Variants in KBTBD3 observed in about 807,000 individuals in gnomAD.
The protein encoded by KBTBD3 is kelch repeat and BTB domain-containing protein 3.
Under a neutral mutation model 49.6 loss-of-function variants are expected in KBTBD3, and 38 were observed. The ratio of observed to expected loss-of-function variants is 0.77; its 90% CI spans 0.59 to 1.00. KBTBD3 has a LOEUF of 1.00. Among genes scored for constraint, KBTBD3 ranks in the 50% least tolerant of loss-of-function variants. The pLI, the probability that KBTBD3 is intolerant of heterozygous loss-of-function variation, is 0.00. For synonymous variants in KBTBD3, 214 were observed against 250.4 expected, an observed-to-expected ratio of 0.85 and a Z score of 1.37; for missense variants, 661 against 712.0, an observed-to-expected ratio of 0.93 and a Z score of 0.81.
chr11:106,052,727 G>T lies in KBTBD3; in HGVS notation c.*123C>A. On this transcript the variant is annotated 3_prime_UTR_variant, in exon 4 of 4. Coordinates refer to ENST00000531837, the MANE Select transcript of KBTBD3 (RefSeq NM_198439.3). ...TGGAAACTGTTTATTCATATATGGTGTACATACATAATAACTAAAAGCAGG... is the reference window on the plus strand; with the variant it reads ...TGGAAACTGTTTATTCATATATGGTTTACATACATAATAACTAAAAGCAGG... 1 of 735,010 alleles carries T rather than the reference G, an allele frequency of 1.4e-6. No homozygotes were observed. The highest frequency in any genetic ancestry group is 2.2e-6 in the Non-Finnish European group (1 of 449,922). The allele number at this position is 735,010 out of a possible 1,614,324, so 45.5% of individuals were successfully genotyped here.
intron 3 of KBTBD3, 71 bp from the exon 4 acceptor site, chr11:106,054,526 A>G: frequency 8.1e-7 from 1 of 1,229,886 alleles, no homozygotes. Context: ...TATTACCTTA[A>G]AGAGGTTTCC....
rs764968896 is a variant in KBTBD3, at chr11:106,053,136, G to C, written c.1553C>G (p.Thr518Ser). Residue 518 changes from threonine to serine, a missense_variant, in exon 4 of 4, where the codon ACC becomes AGC. By Grantham distance (58) the Thr-to-Ser change is moderately conservative. Transcript: ENST00000531837. ...TGGACAAAAACTATAAACCTTATAG[G>C]TGGAAAGGTCACATATATACAGTGT... ...NCTLYICDLS[T>S]YKVYSFCPDT... 6.2e-7 allele frequency: 1 copy of C among 1,613,466 alleles called. No individual in the cohort carries two copies. Among genetic ancestry groups the C allele is most frequent in the Non-Finnish European group, 8.5e-7 (1 of 1,179,800 alleles).
chr11:106,069,846 C>G (rs1004153702), intron 2 of KBTBD3, among the ~76,000 whole-genome samples: 1 of 151,908 alleles, frequency 6.6e-6, no homozygotes, highest in Non-Finnish European at 1.5e-5. Flanking sequence ...TATCAGTCTA[C>G]CTGATTTCAA....
intron 2 of KBTBD3, among the ~76,000 whole-genome samples, chr11:106,059,861 A>T (rs1212283276): frequency 6.6e-6 from 1 of 152,228 alleles, no homozygotes; most frequent in Non-Finnish European, 1.5e-5. Flanking sequence ...GGAAAAGAGG[A>T]TTGGGAACTT....
intron 2 of KBTBD3, among the ~76,000 whole-genome samples, chr11:106,066,947 A>G (rs1454189245): frequency 6.6e-6 from 1 of 152,204 alleles, no homozygotes; most frequent in Non-Finnish European, 1.5e-5. Flanking sequence ...AATCAGACTG[A>G]CTAGTGATCT....
chr11:106,059,497 A>C (rs889690410), intron 2 of KBTBD3, among the ~76,000 whole-genome samples: 1 of 152,160 alleles, frequency 6.6e-6, no homozygotes, highest in African/African-American at 2.4e-5. Context: ...CCTCCTTTCC[A>C]ATCCATTCTC....
rs553748160 is a variant in KBTBD3 at position 106,075,945 on chromosome 11, A to T, written c.-13+562T>A. 3.3e-5 allele frequency: 5 copies of T among 152,342 alleles called. No homozygotes were observed. In the East Asian group the frequency reaches 9.6e-4, roughly 29 times the overall value. 9.4% of individuals were successfully genotyped at this position (152,342 alleles called of 1,614,324 possible). On this transcript the variant is annotated intron_variant, in intron 2 of 3. Transcript: ENST00000531837. The stretch of plus-strand genomic sequence containing the variant: ...AAAATAATGGGATATGAATTCCTGA[A>T]TTTAAACAAATTCTCTTTCTGAGCT...
At chr11:106,075,238 A>T (rs1861004363) in intron 2 of KBTBD3, among the ~76,000 whole-genome samples, 1 of 152,234 alleles carries the variant, frequency 6.6e-6, no homozygotes, top group South Asian at 2.1e-4. Flanking sequence ...GCAGTAAAAA[A>T]TATTTTAATA....
intron 3 of KBTBD3, chr11:106,057,286 T>C (rs1860571707): frequency 1.3e-5 from 2 of 152,244 alleles, no homozygotes; most frequent in Non-Finnish European, 2.9e-5. Flanking sequence ...CAAAACAGTA[T>C]AAATTAACTT....
At chr11:106,059,162 AC>A in intron 2 of KBTBD3, 53 bp from the exon 3 acceptor site, 2 of 1,048,234 alleles carry the variant, frequency 1.9e-6, no homozygotes, top group South Asian at 3.3e-5. Context: ...CAAGTTTCAG[AC>A]TCCAAAATTC....
Position 106,053,978 on chromosome 11 carries a change from C to G in KBTBD3, c.711G>C (p.Leu237Phe). ...ACTGATGTAATCTCACTTTTTCAATCAAATGAGGCAGATACTTTTGCCTTG... is the reference window on the plus strand; with the variant it reads ...ACTGATGTAATCTCACTTTTTCAATGAAATGAGGCAGATACTTTTGCCTTG... ...LESRQKYLPHLIEKVRLHQLS... is the reference protein window; with the variant it reads ...LESRQKYLPHFIEKVRLHQLS... Residue 237 changes from leucine to phenylalanine, a missense_variant, in exon 4 of 4, where the codon TTG (leucine) becomes TTC (phenylalanine). Leu to Phe is a conservative substitution (Grantham distance 22, BLOSUM62 0). Coordinates refer to ENST00000531837, the MANE Select transcript of KBTBD3 (RefSeq NM_198439.3). The G allele has an allele frequency of 6.2e-7, 1 of 1,613,842 alleles. No homozygotes were observed. The highest frequency in any genetic ancestry group is 8.5e-7 in the Non-Finnish European group (1 of 1,179,898).
chr11:106,065,357 T>C (rs527932038), intron 2 of KBTBD3, among the ~76,000 whole-genome samples: 1 of 152,152 alleles, frequency 6.6e-6, no homozygotes, highest in Admixed American at 6.5e-5. Flanking sequence ...TGTGGAGCAC[T>C]TGCTACATAC....
At chr11:106,070,548 C>A (rs1446666549) in intron 2 of KBTBD3, among the ~76,000 whole-genome samples, 1 of 151,940 alleles carries the variant, frequency 6.6e-6, no homozygotes, top group Middle Eastern at 3.2e-3. Flanking sequence ...CAATAAATAT[C>A]CCTAACCATC....
intron 2 of KBTBD3, among the ~76,000 whole-genome samples, chr11:106,066,390 A>G (rs893209044): frequency 1.3e-5 from 2 of 152,212 alleles, no homozygotes; most frequent in Admixed American, 1.3e-4. Flanking sequence ...ATTGGTATTA[A>G]TAATTACTTT....
At chr11:106,065,322 AT>A (rs1358603176) in intron 2 of KBTBD3, among the ~76,000 whole-genome samples, 2 of 152,196 alleles carry the variant, frequency 1.3e-5, no homozygotes, top group Non-Finnish European at 2.9e-5. Context: ...TGTTCTATAC[AT>A]GATCGATATG....
Position 106,053,217 on chromosome 11 carries a change from G to A in KBTBD3, c.1472C>T (p.Ala491Val), listed in dbSNP as rs771314814. Residue 491 changes from alanine to valine, a missense_variant, in exon 4 of 4, where the codon GCA (alanine) becomes GTA (valine). By Grantham distance (64) the Ala-to-Val change is moderately conservative. Transcript: ENST00000531837. Reference sequence around the variant, plus strand: ...TGCATGAAAAAATTGCCCAAACTCTGCTACTAGTTCAGACCACTGATCAGT... The same window carrying A: ...TGCATGAAAAAATTGCCCAAACTCTACTACTAGTTCAGACCACTGATCAGT... ...ATTDQWSELV[A>V]EFGQFFHATL... The A allele has an allele frequency of 2.5e-6, 4 of 1,613,606 alleles. No individual in the cohort carries two copies. In the South Asian group the frequency reaches 3.3e-5, roughly 13 times the overall value.
At position 106,053,496 on chromosome 11, in the gene KBTBD3, G is replaced by A. The variant is rs1860473494; in HGVS notation, c.1193C>T (p.Ser398Leu). The change falls in exon 4 of 4, where the codon TCA (serine) becomes TTA (leucine). Residue 398 changes from serine to leucine, a missense_variant. Physicochemically the swap from Ser to Leu is moderately radical, Grantham distance 145. Transcript: ENST00000531837. ...TMKTPRTMHT[S>L]VMALDRLFVI... ...AAATAATCTATCGAGAGCCATAACT[G>A]ATGTATGCATGGTTCTTGGTGTTTT... 1 of 1,613,780 alleles carries A rather than the reference G, an allele frequency of 6.2e-7. No homozygotes were observed. The highest frequency in any genetic ancestry group is 8.5e-7 in the Non-Finnish European group (1 of 1,179,852).
chr11:106,053,743 T>C lies in KBTBD3; in HGVS notation c.946A>G (p.Ile316Val), dbSNP rs552328233. 261 of 1,613,754 alleles carry C rather than the reference T, an allele frequency of 1.6e-4. No homozygotes were observed. The Middle Eastern group carries it at 2.0e-3, about 12-fold the overall frequency. ...GENQYTFCYN[I>V]KSDSWKILPQ... is the part of the protein sequence containing the mutation. The stretch of plus-strand genomic sequence containing the variant: ...AGTATTTTCCATGAATCAGATTTAA[T>C]GTTATAGCAAAATGTATATTGATTT... Residue 316 changes from isoleucine to valine, a missense_variant, in exon 4 of 4, where the codon ATT (isoleucine) becomes GTT (valine). Coordinates refer to ENST00000531837, the MANE Select transcript of KBTBD3 (RefSeq NM_198439.3).
rs570956492 is a variant in KBTBD3 at position 106,069,210 on chromosome 11, T to G, written c.-13+7297A>C. On this transcript the variant is annotated intron_variant, in intron 2 of 3. Coordinates refer to ENST00000531837, the MANE Select transcript of KBTBD3 (RefSeq NM_198439.3). ...TTCACACTTATTTAGAAGTATATTA[T>G]TCAGTTTCCAAGTGCATGTAAGCTC... Among the ~76,000 whole-genome samples, 16 of 152,258 alleles carry G rather than the reference T, an allele frequency of 1.1e-4. 1 individual carries two copies. In the East Asian group the frequency reaches 2.9e-3, roughly 28 times the overall value.
Sources: allele counts gnomAD v4.1 joint callset (sites outside exome capture counted in the v4.1 genomes callset), GRCh38; gene constraint gnomAD v4.1.1; transcripts MANE v1.5; gene names NCBI Gene and HGNC (gene_info 2026-07-23, HGNC 2026-07-21).